ATP13A5: variants seen among roughly 807,000 people sequenced by gnomAD.
The protein encoded by ATP13A5 is ATPase 13A5, also known as probable cation-transporting ATPase 13A5.
ATP13A5 carries 149 observed loss-of-function variants against 150.2 expected under a neutral mutation model. That is an observed-to-expected ratio of 0.99 (90% CI 0.87 to 1.14). The LOEUF is 1.14. Among genes scored for constraint, ATP13A5 ranks in the 50% most tolerant of loss-of-function variants. The pLI, the probability that ATP13A5 is intolerant of heterozygous loss-of-function variation, is 0.00. For missense variants in ATP13A5, 1,383 were observed against 1,449.3 expected (o/e 0.95, Z 0.74); for synonymous variants, 497 against 522.2 (o/e 0.95, Z 0.66).
chr3:193,303,950 CG>C (rs1053211366), intron 23 of ATP13A5, among the ~76,000 whole-genome samples: 3 of 151,652 alleles, frequency 2.0e-5, no homozygotes, highest in Non-Finnish European at 2.9e-5. Flanking sequence ...GTAAATTCTC[CG>C]GGGGCAAGAC....
Position 193,322,645 on chromosome 3 carries a change from C to T in ATP13A5, c.1675-71G>A. 3 of 1,099,134 alleles carry T rather than the reference C, an allele frequency of 2.7e-6. No homozygotes were observed. In the Admixed American group the frequency reaches 5.5e-5, roughly 20 times the overall value. The allele number at this position is 1,099,134 out of a possible 1,614,324, so 68.1% of individuals were successfully genotyped here. On this transcript the variant is annotated intron_variant, in intron 14 of 29. Transcript: ENST00000342358. ...TTAAGAAAGAAATATCTCTTATTTG[C>T]ACAATACTTTAATCTTTTCAAAGCC...
rs181230671 is a variant in ATP13A5, at chr3:193,316,075, C to A, written c.2034-979G>T. Reference sequence around the variant, plus strand: ...TCACACAGTATTAGGCCTTCTGTGACTGGTTTATTTCACTTAGCATGATGT... The same window carrying A: ...TCACACAGTATTAGGCCTTCTGTGAATGGTTTATTTCACTTAGCATGATGT... On this transcript the variant is annotated intron_variant, in intron 17 of 29. Coordinates refer to ENST00000342358, the MANE Select transcript of ATP13A5 (RefSeq NM_198505.4). Among the ~76,000 whole-genome samples, 160 of 152,182 alleles carry A rather than the reference C, an allele frequency of 1.1e-3. 1 individual carries two copies. Among genetic ancestry groups the A allele is most frequent in the Non-Finnish European group, 1.8e-3 (122 of 68,008 alleles).
At chr3:193,295,543 A>G (rs1718133635) in intron 25 of ATP13A5, among the ~76,000 whole-genome samples, 1 of 152,040 alleles carries the variant, frequency 6.6e-6, no homozygotes, top group African/African-American at 2.4e-5. Flanking sequence ...TGAACTCTGA[A>G]CTTGAACAAT....
At chr3:193,378,082 G>A (rs893147930) in intron 1 of ATP13A5, among the ~76,000 whole-genome samples, 53 of 146,424 alleles carry the variant, frequency 3.6e-4, no homozygotes, top group African/African-American at 1.3e-3. Flanking sequence ...AAATGTGTGT[G>A]TGTGTGTGTG....
intron 1 of ATP13A5, among the ~76,000 whole-genome samples, chr3:193,370,433 G>T (rs1008081134): frequency 1.3e-5 from 2 of 152,132 alleles, no homozygotes; most frequent in Non-Finnish European, 2.9e-5. Flanking sequence ...TGAAAAATGT[G>T]ACTGCTTGTA....
chr3:193,363,472 T>G (rs1395836390), intron 2 of ATP13A5, 90 bp from the exon 3 acceptor site: 1 of 1,251,426 alleles, frequency 8.0e-7, no homozygotes, highest in African/African-American at 1.5e-5. Flanking sequence ...GTACAAAACT[T>G]TGACCCAAAC....
rs11333858 is a variant in ATP13A5 at position 193,356,276 on chromosome 3, C to CA, written c.537-2081dup. 5.7e-3 allele frequency among the ~76,000 whole-genome samples: 826 copies of CA among 145,134 alleles called. 14 individuals carry two copies. Among genetic ancestry groups the CA allele is most frequent in the Admixed American group, 0.029 (415 of 14,548 alleles). On this transcript the variant is annotated intron_variant, in intron 5 of 29. Coordinates refer to ENST00000342358, the MANE Select transcript of ATP13A5 (RefSeq NM_198505.4). ...TATGTTTCACATTTTAATAAGTTTG[C>CA]AAAAAAAAAAAAGACTGTATCTTCC... is the stretch of plus-strand genomic sequence containing the variant.
intron 23 of ATP13A5, among the ~76,000 whole-genome samples, chr3:193,303,416 G>A (rs760674311): frequency 2.0e-5 from 3 of 152,024 alleles, no homozygotes; most frequent in Non-Finnish European, 2.9e-5. Context: ...TATTGAGCAC[G>A]TCCCATGTAT....
At chr3:193,279,335 C>T (rs1354587349) in intron 28 of ATP13A5, 31 bp downstream of exon 28, 1 of 1,515,136 alleles carries the variant, frequency 6.6e-7, no homozygotes, top group South Asian at 1.1e-5. Context: ...GTACATGAGT[C>T]ATGCCAGATG....
chr3:193,374,640 G>GACACACAC (rs113705500), intron 1 of ATP13A5, among the ~76,000 whole-genome samples: 44 of 93,222 alleles, frequency 4.7e-4, no homozygotes, highest in African/African-American at 1.7e-3. Flanking sequence ...GTAAGACCAT[G>GACACACAC]ACACACACAC....
chr3:193,328,856 T>C (rs540462781), intron 12 of ATP13A5, among the ~76,000 whole-genome samples: 53 of 152,212 alleles, frequency 3.5e-4, no homozygotes, highest in Non-Finnish European at 5.3e-4. Context: ...AATGGCAGAG[T>C]GCTTTATTCC....
At chr3:193,375,968 T>C (rs1171587483) in intron 1 of ATP13A5, among the ~76,000 whole-genome samples, 2 of 152,214 alleles carry the variant, frequency 1.3e-5, no homozygotes, top group African/African-American at 4.8e-5. Context: ...GATTGTTCAC[T>C]TGAAATAATG....
chr3:193,310,144 T>C (rs1718786690), intron 21 of ATP13A5, among the ~76,000 whole-genome samples: 2 of 152,248 alleles, frequency 1.3e-5, no homozygotes, highest in Non-Finnish European at 2.9e-5. Context: ...CCTGCATTAG[T>C]TTGCTAAGGA....
At position 193,342,909 on chromosome 3, in the gene ATP13A5, G is replaced by C. The variant is rs866118868; in HGVS notation, c.943+1018C>G. ...GGTCAGATACTATGGCAACATTCTG[G>C]GTAAAAGATATGATCAGTATGCAAA... On this transcript the variant is annotated intron_variant, in intron 9 of 29. Transcript: ENST00000342358. Among the ~76,000 whole-genome samples the C allele has an allele frequency of 4.6e-5, 7 of 151,998 alleles. 1 individual carries two copies. The highest frequency in any genetic ancestry group is 1.7e-4 in the African/African-American group (7 of 41,376).
At chr3:193,302,869 A>G (rs73074715) in intron 23 of ATP13A5, among the ~76,000 whole-genome samples, 2,596 of 152,286 alleles carry the variant, frequency 0.017, 97 homozygotes, top group African/African-American at 0.059. Flanking sequence ...GCTGAACCAT[A>G]TCTAATTTTT....
chr3:193,291,187 C>T (rs1334315929), intron 25 of ATP13A5, among the ~76,000 whole-genome samples: 1 of 142,832 alleles, frequency 7.0e-6, no homozygotes, highest in African/African-American at 2.5e-5. Context: ...CTAAATGGTA[C>T]CCAAAGGCCC....
intron 1 of ATP13A5, among the ~76,000 whole-genome samples, chr3:193,373,753 T>G (rs916155043): frequency 1.3e-5 from 2 of 151,998 alleles, no homozygotes; most frequent in Admixed American, 6.6e-5. Flanking sequence ...GCCAAAGAGG[T>G]GTCCACAACC....
At chr3:193,343,749 T>C (rs1712215585) in intron 9 of ATP13A5, among the ~76,000 whole-genome samples, 178 bp downstream of exon 9, 1 of 152,220 alleles carries the variant, frequency 6.6e-6, no homozygotes, top group African/African-American at 2.4e-5. Context: ...TTAATTCTTA[T>C]ATTGTTAAAC....
chr3:193,280,260 G>C (rs1355486068), intron 27 of ATP13A5, among the ~76,000 whole-genome samples: 7 of 151,956 alleles, frequency 4.6e-5, no homozygotes, highest in Non-Finnish European at 8.8e-5. Context: ...TCACCATATT[G>C]GCCAGGCTGG....
Sources: allele counts gnomAD v4.1 joint callset (sites outside exome capture counted in the v4.1 genomes callset), GRCh38; gene constraint gnomAD v4.1.1; transcripts MANE v1.5; gene names NCBI Gene and HGNC (gene_info 2026-07-23, HGNC 2026-07-21).